Variants in TOR1AIP1 observed in about 807,000 individuals in gnomAD.
The protein encoded by TOR1AIP1 is torsin 1A interacting protein 1.
TOR1AIP1 carries 54 observed loss-of-function variants against 63.3 expected under a neutral mutation model. The observed-to-expected ratio is 0.85, with a 90% CI of 0.69 to 1.07. The LOEUF is 1.07. TOR1AIP1 is among the 50% of genes least tolerant of loss of function. TOR1AIP1 has a pLI of 0.00. For synonymous variants in TOR1AIP1, 294 were observed against 273.5 expected (o/e 1.07, Z -0.74); for missense variants, 736 against 715.0 (o/e 1.03, Z -0.33).
intron 6 of TOR1AIP1, among the ~76,000 whole-genome samples, chr1:179,907,186 C>A (rs1188717788): frequency 6.6e-6 from 1 of 151,430 alleles, no homozygotes; most frequent in African/African-American, 2.4e-5. Context: ...GAATTTGAGA[C>A]CAGCCTGGCC....
At chr1:179,888,146 A>G (rs986619693) in intron 2 of TOR1AIP1, among the ~76,000 whole-genome samples, 1 of 152,266 alleles carries the variant, frequency 6.6e-6, no homozygotes, top group Admixed American at 6.5e-5. Flanking sequence ...GTAAAAGCAG[A>G]CAAACCAAAA....
At chr1:179,904,129 A>G in intron 6 of TOR1AIP1, 107 bp downstream of exon 6, 2 of 798,770 alleles carry the variant, frequency 2.5e-6, no homozygotes, top group South Asian at 2.0e-5. Flanking sequence ...AACAAGAGGA[A>G]TAATGAATGC....
At chr1:179,889,809 C>G (rs139275197) in intron 3 of TOR1AIP1, among the ~76,000 whole-genome samples, 2 of 152,108 alleles carry the variant, frequency 1.3e-5, no homozygotes, top group South Asian at 2.1e-4. Context: ...TCCACCACCA[C>G]GCCTGGCTGA....
rs756916997 is a variant in TOR1AIP1 at position 179,882,876 on chromosome 1, G to A, written c.374G>A (p.Arg125Gln). ...CAGGAAACCGAGGAAATGAAGACGCGAAGGACTACCCGCCTTCAGCAGCAG... is the reference window on the plus strand; with the variant it reads ...CAGGAAACCGAGGAAATGAAGACGCAAAGGACTACCCGCCTTCAGCAGCAG... The part of the protein sequence containing the change: ...RPQETEEMKT[R>Q]RTTRLQQQHS... The change falls in exon 1 of 10, where the codon CGA (arginine) becomes CAA (glutamine). Residue 125 changes from arginine (R) to glutamine (Q), a missense_variant. Physicochemically the swap from Arg to Gln is conservative, Grantham distance 43. This residue lies in a region of TOR1AIP1 where 464 missense variants were observed against 371.0 expected (regional missense o/e 1.25). Transcript: ENST00000606911. 3 of 1,614,162 alleles carry A rather than the reference G, an allele frequency of 1.9e-6. No individual in the cohort carries two copies. Among genetic ancestry groups the A allele is most frequent in the South Asian group, 1.1e-5 (1 of 91,084 alleles).
intron 7 of TOR1AIP1, among the ~76,000 whole-genome samples, chr1:179,908,244 A>T (rs1648716603): frequency 6.6e-6 from 1 of 152,006 alleles, no homozygotes; most frequent in Non-Finnish European, 1.5e-5. Context: ...TATTCTCCCA[A>T]CAAAAGTTGT....
chr1:179,917,353 C>A, intron 9 of TOR1AIP1, 99 bp from the exon 10 acceptor site: 1 of 988,670 alleles, frequency 1.0e-6, no homozygotes, highest in Non-Finnish European at 1.5e-6. Flanking sequence ...TCCTCTTTTA[C>A]CTAATGTTTA....
intron 8 of TOR1AIP1, chr1:179,913,662 T>C: frequency 1.4e-6 from 1 of 702,294 alleles, no homozygotes; most frequent in Non-Finnish European, 2.6e-6. Flanking sequence ...TATGGTGTGC[T>C]TAGTTTCTTT....
chr1:179,904,002 C>G lies in TOR1AIP1; in HGVS notation c.776C>G (p.Ser259Ter). The G allele has an allele frequency of 6.2e-7, 1 of 1,607,902 alleles. No individual in the cohort carries two copies. Among genetic ancestry groups the G allele is most frequent in the Non-Finnish European group, 8.5e-7 (1 of 1,176,002 alleles). Residue 259 changes from serine to a stop codon, truncating the protein, a stop_gained, in exon 6 of 10, where the codon TCA becomes TGA. Transcript: ENST00000606911. LOFTEE classifies it high-confidence loss of function. ...AGATCATCTAGTCAATATATAGAAT[C>G]ATTTTGGCAGTCATCACAAAGTAAG... is the stretch of plus-strand genomic sequence containing the variant. ...TTRSSSQYIE[S>*]FWQSSQSQNF...
In TOR1AIP1 at chr1:179,882,644, C is replaced by A. The variant is rs765495241; in HGVS notation, c.142C>A (p.Pro48Thr). The A allele has an allele frequency of 1.3e-6, 2 of 1,573,440 alleles. No homozygotes were observed. The highest frequency in any genetic ancestry group is 4.5e-5 in the East Asian group (2 of 44,634). Reference protein sequence around the residue: ...GSSDAPAYRTPPSRQGRREVR... With the variant: ...GSSDAPAYRTTPSRQGRREVR... ...CAGCGATGCGCCTGCGTACAGAACTCCTCCGTCGCGCCAGGGCCGGCGGGA... is the reference window on the plus strand; with the variant it reads ...CAGCGATGCGCCTGCGTACAGAACTACTCCGTCGCGCCAGGGCCGGCGGGA... The change falls in exon 1 of 10, where the codon CCT becomes ACT. Residue 48 changes from proline to threonine, a missense_variant. Coordinates refer to ENST00000606911, the MANE Select transcript of TOR1AIP1 (RefSeq NM_015602.4).
rs1374010658 is a variant in TOR1AIP1, at chr1:179,882,915, C to T, written c.413C>T (p.Pro138Leu). Residue 138 changes from proline (P) to leucine (L), a missense_variant, in exon 1 of 10, where the codon CCT (proline) becomes CTT (leucine). Coordinates refer to ENST00000606911, the MANE Select transcript of TOR1AIP1 (RefSeq NM_015602.4). ...TRLQQQHSEQ[P>L]PLQPSPVMTR... is the part of the protein sequence containing the mutation. Reference sequence around the variant, plus strand: ...CTTCAGCAGCAGCACTCAGAGCAGCCTCCGCTACAGCCGTCTCCTGTTATG... The same window carrying T: ...CTTCAGCAGCAGCACTCAGAGCAGCTTCCGCTACAGCCGTCTCCTGTTATG... 6 of 1,614,092 alleles carry T rather than the reference C, an allele frequency of 3.7e-6. No homozygotes were observed. Among genetic ancestry groups the T allele is most frequent in the Non-Finnish European group, 4.2e-6 (5 of 1,180,028 alleles).
intron 6 of TOR1AIP1, among the ~76,000 whole-genome samples, chr1:179,907,448 G>C (rs1445313756): frequency 7.1e-6 from 1 of 141,646 alleles, no homozygotes; most frequent in African/African-American, 2.6e-5. Context: ...AAAAAAAAAA[G>C]AATTAAACAA....
At chr1:179,892,202 TG>T (rs1402497284) in intron 3 of TOR1AIP1, among the ~76,000 whole-genome samples, 3 of 152,186 alleles carry the variant, frequency 2.0e-5, no homozygotes, top group East Asian at 3.9e-4. Context: ...CTGGGTGTGG[TG>T]GCTCACGCCT....
chr1:179,893,365 C>G lies in TOR1AIP1; in HGVS notation c.610+3996C>G, dbSNP rs1390502032. ...TCGTGGAGCTTGAATACTAGTGATACCACCAGACTATTCTTTGCTCTTTCC... is the reference window on the plus strand; with the variant it reads ...TCGTGGAGCTTGAATACTAGTGATAGCACCAGACTATTCTTTGCTCTTTCC... On this transcript the variant is annotated intron_variant, in intron 3 of 9. Coordinates refer to ENST00000606911, the MANE Select transcript of TOR1AIP1 (RefSeq NM_015602.4). Among the ~76,000 whole-genome samples the G allele has an allele frequency of 3.3e-5, 5 of 152,262 alleles. No homozygotes were observed. In the East Asian group the frequency reaches 9.6e-4, roughly 29 times the overall value.
Position 179,901,349 on chromosome 1 carries a change from A to G in TOR1AIP1, c.700A>G (p.Thr234Ala), listed in dbSNP as rs2148477026. ...AGACAGCTCTCACAGCAGTGTCACT[A>G]CTGTTAAGGCCAGATCCAGGGATTC... ...DQDSSHSSVT[T>A]VKARSRDSDE... The change falls in exon 5 of 10, where the codon ACT becomes GCT. Residue 234 changes from threonine to alanine, a missense_variant. Physicochemically the swap from Thr to Ala is moderately conservative, Grantham distance 58 (BLOSUM62 0). This residue lies in a region of TOR1AIP1 where 464 missense variants were observed against 371.0 expected (regional missense o/e 1.25). Coordinates refer to ENST00000606911, the MANE Select transcript of TOR1AIP1 (RefSeq NM_015602.4). The G allele has an allele frequency of 1.2e-6, 2 of 1,610,894 alleles. No individual in the cohort carries two copies. The highest frequency in any genetic ancestry group is 8.5e-7 in the Non-Finnish European group (1 of 1,178,172).
chr1:179,899,927 G>A (rs562031828), intron 3 of TOR1AIP1, among the ~76,000 whole-genome samples, 199 bp from the exon 4 acceptor site: 1 of 152,328 alleles, frequency 6.6e-6, no homozygotes, highest in African/African-American at 2.4e-5. Flanking sequence ...TTATAGGCGT[G>A]AGCCACTGCA....
chr1:179,886,950 G>A (rs188748723), intron 2 of TOR1AIP1, among the ~76,000 whole-genome samples: 51 of 152,240 alleles, frequency 3.3e-4, no homozygotes, highest in African/African-American at 1.2e-3. Context: ...CTTTGATGGA[G>A]GACTGCTTTA....
chr1:179,896,760 A>G (rs1165860252), intron 3 of TOR1AIP1, among the ~76,000 whole-genome samples: 1 of 152,202 alleles, frequency 6.6e-6, no homozygotes, highest in Non-Finnish European at 1.5e-5. Context: ...AGAGCATGCA[A>G]TATGAGAAAT....
intron 8 of TOR1AIP1, chr1:179,913,472 A>T: frequency 1.5e-6 from 1 of 658,352 alleles, no homozygotes; most frequent in South Asian, 1.7e-5. Flanking sequence ...GAAATACTGA[A>T]TCAGTTTGAG....
At chr1:179,902,055 T>C (rs1241968474) in intron 5 of TOR1AIP1, among the ~76,000 whole-genome samples, 1 of 134,212 alleles carries the variant, frequency 7.5e-6, no homozygotes, top group Non-Finnish European at 1.6e-5. Flanking sequence ...AGGCAGAGTC[T>C]CACTCTGTCA....
Sources: gnomAD v4.1 joint callset for allele counts (sites outside exome capture counted in the v4.1 genomes callset) on GRCh38, gnomAD v4.1.1 for gene constraint, gnomAD v4.1.1 regional missense constraint, MANE v1.5 for transcripts, NCBI Gene and HGNC (gene_info 2026-07-23, HGNC 2026-07-21) for gene names.